ARPC2: variants seen among roughly 807,000 people sequenced by gnomAD.
ARPC2 encodes actin-related protein 2/3 complex subunit 2.
Under a neutral mutation model 38.6 loss-of-function variants are expected in ARPC2, and 4 were observed. The observed-to-expected ratio is 0.10, with a 90% CI of 0.05 to 0.24. The LOEUF is 0.24. Ranked by LOEUF, ARPC2 falls within the 10% of genes least tolerant of loss-of-function variation. The pLI is 1.00. For synonymous variants in ARPC2, 125 were observed against 140.8 expected (o/e 0.89, Z 0.79); for missense variants, 229 against 387.3 (o/e 0.59, Z 3.43).
intron 4 of ARPC2, chr2:218,233,394 G>A (rs1442401971): frequency 2.0e-5 from 3 of 151,890 alleles, no homozygotes; most frequent in African/African-American, 7.3e-5. Context: ...TTTTCGAAAG[G>A]ACATTCAAAC....
Position 218,253,932 on chromosome 2 carries a change from A to T in ARPC2, c.*17A>T. On this transcript the variant is annotated 3_prime_UTR_variant, in exon 11 of 11. Coordinates refer to ENST00000315717, the MANE Select transcript of ARPC2 (RefSeq NM_152862.3). The stretch of plus-strand genomic sequence containing the variant: ...TCCCGCTAATCTTGGGAATAAGAGG[A>T]GGAAGCGGCTGGCAACTGAAGGCTG... 1 of 1,613,978 alleles carries T rather than the reference A, an allele frequency of 6.2e-7. No individual in the cohort carries two copies. Among genetic ancestry groups the T allele is most frequent in the South Asian group, 1.1e-5 (1 of 91,056 alleles).
At position 218,248,674 on chromosome 2, in the gene ARPC2, T is replaced by C. The variant is rs374021199; in HGVS notation, c.677-690T>C. 9.2e-5 allele frequency among the ~76,000 whole-genome samples: 14 copies of C among 152,346 alleles called. No homozygotes were observed. In the South Asian group the frequency reaches 1.7e-3, roughly 18 times the overall value. On this transcript the variant is annotated intron_variant, in intron 8 of 10. Coordinates refer to ENST00000315717, the MANE Select transcript of ARPC2 (RefSeq NM_152862.3). Reference sequence around the variant, plus strand: ...TGGGGTTTCACCATGTTGGCCAGGCTGGTCTCAAAACTCCTGATCTCAGAT... The same window carrying C: ...TGGGGTTTCACCATGTTGGCCAGGCCGGTCTCAAAACTCCTGATCTCAGAT...
rs954886952 is a variant in ARPC2, at chr2:218,251,697, C to T, written c.878+1776C>T. ...CGAACTCCTGGACTCAAGTGATCCTCCCACCTCAGCCTCCCAAAGTGTTGG... is the reference window on the plus strand; with the variant it reads ...CGAACTCCTGGACTCAAGTGATCCTTCCACCTCAGCCTCCCAAAGTGTTGG... On this transcript the variant is annotated intron_variant, in intron 10 of 10. Coordinates refer to ENST00000315717, the MANE Select transcript of ARPC2 (RefSeq NM_152862.3). Among the ~76,000 whole-genome samples, 6 of 152,254 alleles carry T rather than the reference C, an allele frequency of 3.9e-5. No individual in the cohort carries two copies. In the East Asian group the frequency reaches 1.2e-3, roughly 29 times the overall value.
chr2:218,225,810 T>C (rs1240397445), intron 2 of ARPC2, 110 bp from the exon 3 acceptor site: 2 of 1,022,932 alleles, frequency 2.0e-6, no homozygotes, highest in African/African-American at 3.2e-5. Flanking sequence ...AACCTAAAAT[T>C]TATACAGAAT....
chr2:218,251,816 C>G (rs1290583957), intron 10 of ARPC2, among the ~76,000 whole-genome samples: 1 of 152,220 alleles, frequency 6.6e-6, no homozygotes, highest in Non-Finnish European at 1.5e-5. Context: ...TTTACACTCT[C>G]TCTCTTGCAT....
intron 10 of ARPC2, chr2:218,252,871 A>G (rs1690226630): frequency 2.2e-6 from 1 of 456,198 alleles, no homozygotes; most frequent in African/African-American, 2.0e-5. Context: ...ATGAATCCTT[A>G]AAATGAACAG....
At chr2:218,235,212 G>C (rs931631053) in intron 5 of ARPC2, 1 of 232,372 alleles carries the variant, frequency 4.3e-6, no homozygotes, top group African/African-American at 2.3e-5. Flanking sequence ...TCATTCTGTT[G>C]CCCAGGCTGG....
In ARPC2 at chr2:218,254,072, A is replaced by T; in HGVS notation, c.*157A>T. 3 of 806,896 alleles carry T rather than the reference A, an allele frequency of 3.7e-6. No individual in the cohort carries two copies. Among genetic ancestry groups the T allele is most frequent in the South Asian group, 3.9e-5 (2 of 51,286 alleles). 50.0% of individuals were successfully genotyped at this position (806,896 alleles called of 1,614,324 possible). ...GTTTGGAAAATAATCTGCAGAAACG[A>T]GCTGTGCTTGCAAAGACTTCATAGT... On this transcript the variant is annotated 3_prime_UTR_variant, in exon 11 of 11. Transcript: ENST00000315717.
At chr2:218,228,677 G>A (rs780468654) in intron 3 of ARPC2, 61 bp from the exon 4 acceptor site, 63 of 1,052,362 alleles carry the variant, frequency 6.0e-5, no homozygotes, top group Admixed American at 4.7e-4. Flanking sequence ...CAAGGTAGGC[G>A]CTTGGAGAGA....
intron 9 of ARPC2, 117 bp from the exon 10 acceptor site, chr2:218,249,704 G>T: frequency 1.0e-6 from 1 of 998,420 alleles, no homozygotes; most frequent in Non-Finnish European, 1.5e-6. Context: ...TGCAGGGCCT[G>T]GGTCAATCCC....
At chr2:218,229,512 T>C (rs1382552646) in intron 4 of ARPC2, among the ~76,000 whole-genome samples, 3 of 152,264 alleles carry the variant, frequency 2.0e-5, no homozygotes, top group South Asian at 2.1e-4. Context: ...GCAGGAAATA[T>C]GACTCAGTTC....
intron 8 of ARPC2, 105 bp downstream of exon 8, chr2:218,245,651 G>A (rs755886749): frequency 6.4e-5 from 94 of 1,468,618 alleles, no homozygotes; most frequent in Non-Finnish European, 8.6e-5. Context: ...GTAGGCAAAC[G>A]CAGGCATACC....
At chr2:218,242,566 G>A (rs556666309) in intron 7 of ARPC2, among the ~76,000 whole-genome samples, 54 of 152,272 alleles carry the variant, frequency 3.5e-4, no homozygotes, top group Middle Eastern at 3.4e-3. Context: ...AATTTTGGTA[G>A]ACATTGCCAA....
intron 8 of ARPC2, among the ~76,000 whole-genome samples, chr2:218,246,574 C>T (rs1342822727): frequency 6.6e-6 from 1 of 151,922 alleles, no homozygotes; most frequent in Non-Finnish European, 1.5e-5. Context: ...GGCACAGTGG[C>T]TCATACCTGT....
chr2:218,238,499 A>G (rs1278178403), intron 5 of ARPC2, among the ~76,000 whole-genome samples, 165 bp from the exon 6 acceptor site: 1 of 152,126 alleles, frequency 6.6e-6, no homozygotes, highest in Non-Finnish European at 1.5e-5. Flanking sequence ...GGTTAAAAGT[A>G]CAGATAATGA....
chr2:218,231,911 C>T lies in ARPC2; in HGVS notation c.223-2441C>T, dbSNP rs921680170. ...TTGAGGTCAAGAGTTCAAGCCCAGC[C>T]TGGGCAACGTAGTGAGACCCTGTCT... On this transcript the variant is annotated intron_variant, in intron 4 of 10. Transcript: ENST00000315717. 5.6e-5 allele frequency among the ~76,000 whole-genome samples: 8 copies of T among 142,832 alleles called. No homozygotes were observed. In the South Asian group the frequency reaches 1.5e-3, roughly 27 times the overall value. The allele number at this position is 142,832 out of a possible 152,430, so 93.7% of individuals were successfully genotyped here. A position where few individuals can be genotyped will look rare whatever the true frequency, so the allele number is the denominator to read the frequency against.
chr2:218,246,248 TGCGGTGTCTCAC>T (rs1160003802), intron 8 of ARPC2, among the ~76,000 whole-genome samples: 1 of 142,680 alleles, frequency 7.0e-6, no homozygotes, highest in South Asian at 2.2e-4. Flanking sequence ...TGAGGCTGGG[TGCGGTGTCTCAC>T]GCCTGTAATC....
chr2:218,245,593 C>T (rs780810233), intron 8 of ARPC2, 47 bp downstream of exon 8: 1 of 1,609,422 alleles, frequency 6.2e-7, no homozygotes. Flanking sequence ...AATGAGTTCA[C>T]ACAGCAGAAT....
intron 5 of ARPC2, 179 bp downstream of exon 5, chr2:218,234,576 A>G (rs942348075): frequency 1.2e-5 from 7 of 596,766 alleles, no homozygotes; most frequent in South Asian, 8.3e-5. Context: ...GCTTTGTCCA[A>G]TATGGAACAC....
Sources: gnomAD v4.1 joint callset for allele counts (sites outside exome capture counted in the v4.1 genomes callset) on GRCh38, gnomAD v4.1.1 for gene constraint, MANE v1.5 for transcripts, NCBI Gene and HGNC (gene_info 2026-07-23, HGNC 2026-07-21) for gene names.